The following RAPGEF2 variants were observed in gnomAD, a reference collection of about 807,000 sequenced individuals.
RAPGEF2 encodes Rap guanine nucleotide exchange factor 2.
A neutral mutation model predicts 186.7 loss-of-function variants in RAPGEF2; 54 were observed. The observed-to-expected ratio is 0.29, with a 90% CI of 0.23 to 0.36. The LOEUF (loss-of-function observed/expected upper bound fraction) is 0.36, where lower values mean the gene tolerates loss of function less well. Ranked by LOEUF, RAPGEF2 falls within the 10% of genes least tolerant of loss-of-function variation. RAPGEF2 has a pLI of 1.00. For missense variants in RAPGEF2, 1,532 were observed against 2,045.0 expected (o/e 0.75, Z 4.84); for synonymous variants, 712 against 705.9 (o/e 1.01, Z -0.14).
At chr4:159,131,399 C>T (rs769579175) in intron 1 of RAPGEF2, among the ~76,000 whole-genome samples, 21 of 152,134 alleles carry the variant, frequency 1.4e-4, no homozygotes, top group African/African-American at 4.3e-4. Context: ...CATGAGCCAC[C>T]GCGCCCAGCC....
At chr4:159,119,876 C>T (rs771661966) in intron 1 of RAPGEF2, among the ~76,000 whole-genome samples, 1 of 152,170 alleles carries the variant, frequency 6.6e-6, no homozygotes, top group Non-Finnish European at 1.5e-5. Context: ...CAGATTTACT[C>T]TATTTAAAAA....
intron 1 of RAPGEF2, among the ~76,000 whole-genome samples, chr4:159,117,397 T>G (rs1035329008): frequency 5.3e-5 from 8 of 152,156 alleles, no homozygotes; most frequent in African/African-American, 1.9e-4. Flanking sequence ...TATGTGGACC[T>G]CCTAACATAA....
intron 3 of RAPGEF2, among the ~76,000 whole-genome samples, chr4:159,208,889 A>AT (rs113496003): frequency 0.089 from 13,165 of 147,706 alleles, 927 homozygotes; most frequent in African/African-American, 0.2. Context: ...AAATCTCACA[A>AT]TTTTTTTTTT....
chr4:159,236,758 A>G (rs1261744243), intron 4 of RAPGEF2, among the ~76,000 whole-genome samples: 1 of 152,210 alleles, frequency 6.6e-6, no homozygotes, highest in Non-Finnish European at 1.5e-5. Flanking sequence ...CAGAAACTCA[A>G]ACTTTTGTGT....
At chr4:159,106,180 C>G (rs192435011) in intron 1 of RAPGEF2, among the ~76,000 whole-genome samples, 3 of 152,348 alleles carry the variant, frequency 2.0e-5, no homozygotes, top group African/African-American at 7.2e-5. Context: ...CGGAAGGCAG[C>G]CCATTTGCCC....
At chr4:159,220,295 TTGAGAGA>T (rs960510075) in intron 4 of RAPGEF2, among the ~76,000 whole-genome samples, 1 of 151,998 alleles carries the variant, frequency 6.6e-6, no homozygotes, top group African/African-American at 2.4e-5. Context: ...AATGATCCAG[TTGAGAGA>T]GGTACAAAGG....
intron 1 of RAPGEF2, among the ~76,000 whole-genome samples, chr4:159,166,514 TTTG>T (rs1745337222): frequency 6.6e-6 from 1 of 152,230 alleles, no homozygotes; most frequent in Admixed American, 6.5e-5. Context: ...GTCTCATTAC[TTTG>T]TTGATCTACT....
chr4:159,194,427 C>G (rs964443217), intron 3 of RAPGEF2, among the ~76,000 whole-genome samples: 9 of 152,152 alleles, frequency 5.9e-5, no homozygotes, highest in Admixed American at 5.2e-4. Context: ...CAATATTTGA[C>G]ACAGTGGTAT....
intron 13 of RAPGEF2, among the ~76,000 whole-genome samples, chr4:159,330,882 G>T (rs1198151673): frequency 6.6e-6 from 1 of 152,132 alleles, no homozygotes. Context: ...TGGCACCAGA[G>T]CAGCATTTCA....
chr4:159,134,591 G>A (rs10049873), intron 1 of RAPGEF2, among the ~76,000 whole-genome samples: 5,323 of 152,192 alleles, frequency 0.035, 293 homozygotes, highest in African/African-American at 0.12. Flanking sequence ...TTTTATTTCT[G>A]CCAGCAATGT....
intron 11 of RAPGEF2, among the ~76,000 whole-genome samples, chr4:159,325,945 C>T (rs1280946691): frequency 2.0e-5 from 3 of 152,126 alleles, no homozygotes; most frequent in Non-Finnish European, 4.4e-5. Context: ...GATATATAGA[C>T]TCCTATATAG....
intron 22 of RAPGEF2, 58 bp from the exon 23 acceptor site, chr4:159,343,978 G>C: frequency 1.3e-6 from 2 of 1,507,628 alleles, no homozygotes; most frequent in Non-Finnish European, 1.8e-6. Context: ...CTGAGCTTGT[G>C]ATCTTTCTGT....
At chr4:159,219,689 G>A (rs953792129) in intron 4 of RAPGEF2, among the ~76,000 whole-genome samples, 3 of 152,028 alleles carry the variant, frequency 2.0e-5, no homozygotes, top group South Asian at 2.1e-4. Flanking sequence ...TTACCAAAAG[G>A]ATTATTAAAA....
chr4:159,144,549 A>G (rs1312696892), intron 1 of RAPGEF2, among the ~76,000 whole-genome samples: 3 of 152,162 alleles, frequency 2.0e-5, no homozygotes, highest in Non-Finnish European at 4.4e-5. Context: ...AAATGGTCTC[A>G]GTTCAGTTTA....
intron 7 of RAPGEF2, among the ~76,000 whole-genome samples, chr4:159,280,768 T>C (rs1759583305): frequency 6.6e-6 from 1 of 152,226 alleles, no homozygotes; most frequent in Non-Finnish European, 1.5e-5. Context: ...ACAATACTCA[T>C]TGTATATTAT....
chr4:159,303,756 A>G (rs1480698349), intron 7 of RAPGEF2, among the ~76,000 whole-genome samples: 1 of 152,106 alleles, frequency 6.6e-6, no homozygotes. Context: ...ATGAACATGT[A>G]GAAAGTTGAT....
chr4:159,350,224 C>T lies in RAPGEF2; in HGVS notation c.3800C>T (p.Thr1267Ile). Residue 1267 changes from threonine to isoleucine, a missense_variant, in exon 26 of 30, where the codon ACA (threonine) becomes ATA (isoleucine). Transcript: ENST00000691494. ...LERHKKQAED[T>I]ISNASSQLSS... ...CGTCACAAGAAACAGGCTGAAGATA[C>T]AATATCAAATGCATCTTCGCAGCTT... is the stretch of plus-strand genomic sequence containing the variant. The T allele has an allele frequency of 6.3e-7, 1 of 1,599,420 alleles. No individual in the cohort carries two copies. Among genetic ancestry groups the T allele is most frequent in the Admixed American group, 1.7e-5 (1 of 58,518 alleles).
rs541577100 is a variant in RAPGEF2, at chr4:159,190,046, T to A, written c.141-3154T>A. On this transcript the variant is annotated intron_variant, in intron 2 of 29. Coordinates refer to ENST00000691494, the MANE Select transcript of RAPGEF2 (RefSeq NM_001394067.2). The stretch of plus-strand genomic sequence containing the variant: ...CTGGCTTTGGAGTCAAAAGGAGGGG[T>A]GACATTAGAGTCAGGACAGCCTGCA... Among the ~76,000 whole-genome samples the A allele has an allele frequency of 8.5e-5, 13 of 152,210 alleles. No homozygotes were observed. The South Asian group carries it at 2.7e-3, about 32-fold the overall frequency.
At chr4:159,337,889 CAAAAAAAAAAAAA>C (rs553291521) in intron 17 of RAPGEF2, among the ~76,000 whole-genome samples, 1 of 32,576 alleles carries the variant, frequency 3.1e-5, no homozygotes, top group East Asian at 8.8e-4. Flanking sequence ...GACTCCATCT[CAAAAAAAAAAAAA>C]AAAAAAAAAA....
Sources: gnomAD v4.1 joint callset for allele counts (sites outside exome capture counted in the v4.1 genomes callset) on GRCh38, gnomAD v4.1.1 for gene constraint, MANE v1.5 for transcripts, NCBI Gene and HGNC (gene_info 2026-07-23, HGNC 2026-07-21) for gene names.